Variants in RALGPS2 observed in about 807,000 individuals in gnomAD.
RALGPS2 encodes the protein ras-specific guanine nucleotide-releasing factor RalGPS2.
RALGPS2 carries 43 observed loss-of-function variants against 86.8 expected under a neutral mutation model. The observed-to-expected ratio is 0.50, with a 90% CI of 0.39 to 0.64. The LOEUF is 0.64. RALGPS2 is among the 30% of genes least tolerant of loss of function. RALGPS2 has a pLI of 0.00. For synonymous variants in RALGPS2, 243 were observed against 231.3 expected, an observed-to-expected ratio of 1.05 and a Z score of -0.46; for missense variants, 536 against 694.6, an observed-to-expected ratio of 0.77 and a Z score of 2.57.
At chr1:178,843,545 C>T (rs981772338) in intron 8 of RALGPS2, among the ~76,000 whole-genome samples, 1 of 147,498 alleles carries the variant, frequency 6.8e-6, no homozygotes, top group African/African-American at 2.5e-5. Flanking sequence ...GGAGATATAC[C>T]TAATGCTAGA....
At chr1:178,741,720 T>C (rs564279620) in intron 1 of RALGPS2, among the ~76,000 whole-genome samples, 5 of 152,214 alleles carry the variant, frequency 3.3e-5, no homozygotes, top group Admixed American at 1.3e-4. Flanking sequence ...TACTTACTTA[T>C]TCAGAAGAAA....
intron 4 of RALGPS2, among the ~76,000 whole-genome samples, chr1:178,800,387 C>G (rs1654412606): frequency 6.6e-6 from 1 of 151,468 alleles, no homozygotes; most frequent in Non-Finnish European, 1.5e-5. Context: ...GTGTGCCTGC[C>G]TTTCTGGCCT....
At chr1:178,886,743 G>A (rs1236245178) in intron 13 of RALGPS2, among the ~76,000 whole-genome samples, 3 of 152,168 alleles carry the variant, frequency 2.0e-5, no homozygotes, top group Non-Finnish European at 4.4e-5. Context: ...TTAAAAGAAG[G>A]ATGAGTCATC....
intron 8 of RALGPS2, among the ~76,000 whole-genome samples, chr1:178,867,648 C>G (rs1238621440): frequency 6.6e-6 from 1 of 151,872 alleles, no homozygotes; most frequent in Non-Finnish European, 1.5e-5. Flanking sequence ...TTTTCATTGA[C>G]CGGTTACTTA....
intron 1 of RALGPS2, among the ~76,000 whole-genome samples, chr1:178,737,381 G>C (rs535652469): frequency 6.6e-6 from 1 of 152,166 alleles, no homozygotes; most frequent in Admixed American, 6.5e-5. Flanking sequence ...GAGTAGCTGG[G>C]ATTACAGGCG....
chr1:178,903,826 C>A (rs1660279116), intron 18 of RALGPS2, among the ~76,000 whole-genome samples: 1 of 152,136 alleles, frequency 6.6e-6, no homozygotes, highest in Non-Finnish European at 1.5e-5. Context: ...ATGCAAGTAT[C>A]TTTTTCATAT....
At chr1:178,777,549 G>A (rs1259986053) in intron 2 of RALGPS2, among the ~76,000 whole-genome samples, 1 of 151,202 alleles carries the variant, frequency 6.6e-6, no homozygotes, top group Non-Finnish European at 1.5e-5. Flanking sequence ...CTACTTTAAA[G>A]TTCATATGGA....
intron 4 of RALGPS2, among the ~76,000 whole-genome samples, chr1:178,803,612 G>A (rs1274291398): frequency 6.6e-6 from 1 of 151,904 alleles, no homozygotes; most frequent in Non-Finnish European, 1.5e-5. Flanking sequence ...TTTTTACAGG[G>A]AGATAATATA....
chr1:178,863,317 A>G (rs1476714263), intron 8 of RALGPS2, among the ~76,000 whole-genome samples: 1 of 152,222 alleles, frequency 6.6e-6, no homozygotes, highest in Admixed American at 6.5e-5. Context: ...CAAAACAGAG[A>G]TGTTGAGATC....
chr1:178,819,258 G>A (rs1655385184), intron 6 of RALGPS2, among the ~76,000 whole-genome samples: 2 of 152,154 alleles, frequency 1.3e-5, no homozygotes, highest in South Asian at 4.1e-4. Flanking sequence ...CGCCGGAAGT[G>A]CTGGGATTAC....
Position 178,916,945 on chromosome 1 carries a change from G to A in RALGPS2, c.*586G>A, listed in dbSNP as rs1250366987. The A allele has an allele frequency of 2.0e-5, 3 of 152,206 alleles. No homozygotes were observed. The South Asian group carries it at 6.2e-4, about 32-fold the overall frequency. 9.4% of individuals were successfully genotyped at this position (152,206 alleles called of 1,614,324 possible). On this transcript the variant is annotated 3_prime_UTR_variant, in exon 20 of 20. Transcript: ENST00000367635. Reference sequence around the variant, plus strand: ...TGTAGGAATGAGAAATGTTAGTCATGTGAGTTCTTGGGTTTGTTTGGGATT... The same window carrying A: ...TGTAGGAATGAGAAATGTTAGTCATATGAGTTCTTGGGTTTGTTTGGGATT...
At chr1:178,883,943 C>A (rs905398572) in intron 11 of RALGPS2, among the ~76,000 whole-genome samples, 2 of 151,828 alleles carry the variant, frequency 1.3e-5, no homozygotes, top group Non-Finnish European at 2.9e-5. Context: ...GAGCCGAGAT[C>A]GTGCCACTGC....
intron 8 of RALGPS2, among the ~76,000 whole-genome samples, chr1:178,876,177 C>T (rs1231808473): frequency 6.6e-6 from 1 of 151,940 alleles, no homozygotes; most frequent in Non-Finnish European, 1.5e-5. Flanking sequence ...AGAGCAACTG[C>T]CTTAAATGAG....
intron 1 of RALGPS2, among the ~76,000 whole-genome samples, chr1:178,761,039 A>G (rs1437718195): frequency 6.6e-6 from 1 of 151,178 alleles, no homozygotes; most frequent in East Asian, 1.9e-4. Context: ...CAATGGCACA[A>G]TCTTGGCTCA....
At chr1:178,795,573 C>T (rs1409622901) in intron 4 of RALGPS2, among the ~76,000 whole-genome samples, 1 of 151,950 alleles carries the variant, frequency 6.6e-6, no homozygotes, top group Non-Finnish European at 1.5e-5. Context: ...ACCACCACAC[C>T]TGGCTAATTT....
intron 8 of RALGPS2, among the ~76,000 whole-genome samples, chr1:178,864,186 A>G (rs921555493): frequency 6.6e-6 from 1 of 152,168 alleles, no homozygotes; most frequent in Non-Finnish European, 1.5e-5. Flanking sequence ...CTTTCTGGAC[A>G]CCTAGATCAG....
At chr1:178,730,308 A>AG (rs1227417421) in intron 1 of RALGPS2, among the ~76,000 whole-genome samples, 2 of 152,074 alleles carry the variant, frequency 1.3e-5, no homozygotes, top group Non-Finnish European at 2.9e-5. Flanking sequence ...GTGGTAGATG[A>AG]GTCTATGCTT....
chr1:178,790,388 T>C, intron 4 of RALGPS2, among the ~76,000 whole-genome samples: 1 of 152,228 alleles, frequency 6.6e-6, no homozygotes, highest in Non-Finnish European at 1.5e-5. Flanking sequence ...TAACAAAGCA[T>C]AGTAAATAAT....
chr1:178,787,504 A>G (rs1461172174), intron 4 of RALGPS2, among the ~76,000 whole-genome samples: 1 of 152,196 alleles, frequency 6.6e-6, no homozygotes, highest in Non-Finnish European at 1.5e-5. Context: ...CAACATATAC[A>G]ACAATTGCAG....
Sources: gnomAD v4.1 joint callset for allele counts (sites outside exome capture counted in the v4.1 genomes callset) on GRCh38, gnomAD v4.1.1 for gene constraint, MANE v1.5 for transcripts, NCBI Gene and HGNC (gene_info 2026-07-23, HGNC 2026-07-21) for gene names.